The following DOCK3 variants were observed in gnomAD, a reference collection of about 807,000 sequenced individuals.
The protein encoded by DOCK3 is dedicator of cytokinesis 3.
In DOCK3, 60 loss-of-function variants were observed where a neutral mutation model predicts 265.6. The ratio of observed to expected loss-of-function variants is 0.23; its 90% CI spans 0.18 to 0.28. The LOEUF is 0.28. Among genes scored for constraint, DOCK3 ranks in the 10% least tolerant of loss-of-function variants. DOCK3 has a pLI of 1.00. For synonymous variants in DOCK3, 881 were observed against 938.0 expected, an observed-to-expected ratio of 0.94 and a Z score of 1.11; for missense variants, 1,981 against 2,594.3, an observed-to-expected ratio of 0.76 and a Z score of 5.14.
chr3:51,360,011 T>C (rs1356564342), intron 46 of DOCK3, among the ~76,000 whole-genome samples: 1 of 152,232 alleles, frequency 6.6e-6, no homozygotes, highest in East Asian at 1.9e-4. Flanking sequence ...TTCAGTTACA[T>C]ACATCAGGAT....
In DOCK3 at chr3:51,383,946, T is replaced by C. The variant is rs541799275; in HGVS notation, c.*2387T>C. On this transcript the variant is annotated 3_prime_UTR_variant, in exon 53 of 53. Transcript: ENST00000266037. ...CAAGGAAACTTCTAACCATTTCTTT[T>C]GTGTATTCATGTTTAAAGAAAAAAA... is the stretch of plus-strand genomic sequence containing the variant. 1.3e-5 allele frequency: 2 copies of C among 152,778 alleles called. No homozygotes were observed. The highest frequency in any genetic ancestry group is 4.1e-4 in the South Asian group (2 of 4,828). The allele number at this position is 152,778 out of a possible 1,614,324, so 9.5% of individuals were successfully genotyped here. A position where few individuals can be genotyped will look rare whatever the true frequency, so the allele number is the denominator to read the frequency against.
At chr3:51,332,889 C>T (rs1271998546) in intron 33 of DOCK3, 112 bp from the exon 34 acceptor site, 1 of 1,423,358 alleles carries the variant, frequency 7.0e-7, no homozygotes, top group Non-Finnish European at 9.8e-7. Flanking sequence ...CCTCCCTCCC[C>T]CCACCTCAGT....
At chr3:51,305,731 TGC>T (rs768014652) in intron 27 of DOCK3, among the ~76,000 whole-genome samples, 10,504 of 141,832 alleles carry the variant, frequency 0.074, 977 homozygotes, top group East Asian at 0.32. Context: ...TGTGTGTGTG[TGC>T]GCGTGTGTGT....
At chr3:50,682,912 C>T (rs1398746186) in intron 1 of DOCK3, among the ~76,000 whole-genome samples, 1 of 152,244 alleles carries the variant, frequency 6.6e-6, no homozygotes, top group Admixed American at 6.5e-5. Flanking sequence ...GCGCTCCAGC[C>T]TGGGTGACAG....
At chr3:50,685,358 T>C (rs1576084065) in intron 1 of DOCK3, among the ~76,000 whole-genome samples, 2 of 152,230 alleles carry the variant, frequency 1.3e-5, no homozygotes, top group Non-Finnish European at 2.9e-5. Context: ...TGATACATGC[T>C]TGAGAGCAAT....
At chr3:51,049,057 TGGCTCACGCCTGTAATCCC>T (rs1036068270) in intron 5 of DOCK3, among the ~76,000 whole-genome samples, 39 of 152,328 alleles carry the variant, frequency 2.6e-4, no homozygotes, top group African/African-American at 8.7e-4. Context: ...CTAGGCGCTG[TGGCTCACGCCTGTAATCCC>T]AGCACTTTGG....
intron 5 of DOCK3, among the ~76,000 whole-genome samples, chr3:51,023,413 C>G (rs575199384): frequency 1.3e-5 from 2 of 151,814 alleles, no homozygotes; most frequent in African/African-American, 4.8e-5. Context: ...TTTTTGTTGT[C>G]GTTGTTGTTC....
At chr3:51,337,230 A>G (rs1275882345) in intron 35 of DOCK3, among the ~76,000 whole-genome samples, 2 of 152,192 alleles carry the variant, frequency 1.3e-5, no homozygotes, top group Non-Finnish European at 2.9e-5. Context: ...GCAGAATATC[A>G]TGAGAGGAGT....
rs1049236333 is a variant in DOCK3, at chr3:51,092,075, G to A, written c.746+1691G>A. Among the ~76,000 whole-genome samples, 6 of 152,306 alleles carry A rather than the reference G, an allele frequency of 3.9e-5. 1 individual carries two copies. The highest frequency in any genetic ancestry group is 3.3e-4 in the Admixed American group (5 of 15,300). On this transcript the variant is annotated intron_variant, in intron 9 of 52. Coordinates refer to ENST00000266037, the MANE Select transcript of DOCK3 (RefSeq NM_004947.5). ...ACCTGGGTTTCAAGCACAAAACTGG[G>A]TAGCTGTTTGAGCAGGCACCAAACT...
chr3:50,743,580 A>T (rs1696261588), intron 1 of DOCK3, among the ~76,000 whole-genome samples: 1 of 151,806 alleles, frequency 6.6e-6, no homozygotes, highest in Non-Finnish European at 1.5e-5. Flanking sequence ...ACCAACAAAG[A>T]TCAAAAGAGA....
In DOCK3 at chr3:51,270,922, C is replaced by T. The variant is rs778397287; in HGVS notation, c.2463C>T (p.Ser821=). The part of the protein sequence containing the change: ...FVRGTLGSMP[S]TVHIGQSMDV... ...GAGGGACACTGGGGAGCATGCCCAG[C>T]ACTGTGCACATTGGGCAGTCAATGG... Residue 821 remains serine (S), a synonymous_variant, in exon 24 of 53, where the codon AGC becomes AGT. Transcript: ENST00000266037. 1.4e-5 allele frequency: 23 copies of T among 1,613,884 alleles called. No individual in the cohort carries two copies. The highest frequency in any genetic ancestry group is 3.3e-5 in the Admixed American group (2 of 59,996).
chr3:51,130,463 T>A (rs1297459332), intron 9 of DOCK3, among the ~76,000 whole-genome samples: 3 of 152,312 alleles, frequency 2.0e-5, no homozygotes, highest in East Asian at 3.9e-4. Context: ...TACCAGGAGA[T>A]GTGTTAATTT....
At chr3:51,169,902 G>A (rs2086592188) in intron 12 of DOCK3, among the ~76,000 whole-genome samples, 1 of 152,116 alleles carries the variant, frequency 6.6e-6, no homozygotes, top group African/African-American at 2.4e-5. Context: ...GTTATTGGAT[G>A]TGGTTTGCTA....
At position 51,214,139 on chromosome 3, in the gene DOCK3, C is replaced by A. The variant is rs758225849; in HGVS notation, c.1144C>A (p.Gln382Lys). ...SASHGLIISL[Q>K]LLRGDMEQIR... is the part of the protein sequence containing the mutation. Reference sequence around the variant, plus strand: ...TTTTGCAGGTCTTATCATTTCTCTGCAGCTTCTTCGTGGAGACATGGAACA... The same window carrying A: ...TTTTGCAGGTCTTATCATTTCTCTGAAGCTTCTTCGTGGAGACATGGAACA... The change falls in exon 14 of 53, where the codon CAG (glutamine) becomes AAG (lysine). Residue 382 changes from glutamine (Q) to lysine (K), a missense_variant. By Grantham distance (53) the Gln-to-Lys change is moderately conservative. Coordinates refer to ENST00000266037, the MANE Select transcript of DOCK3 (RefSeq NM_004947.5). 5 of 1,613,814 alleles carry A rather than the reference C, an allele frequency of 3.1e-6. No individual in the cohort carries two copies. The highest frequency in any genetic ancestry group is 4.2e-6 in the Non-Finnish European group (5 of 1,179,820).
At chr3:51,264,447 C>T (rs898927851) in intron 23 of DOCK3, among the ~76,000 whole-genome samples, 8 of 152,232 alleles carry the variant, frequency 5.3e-5, no homozygotes, top group African/African-American at 1.7e-4. Flanking sequence ...CAGGAGAAAG[C>T]GGGAAATATC....
Position 50,675,336 on chromosome 3 carries a change from C to T in DOCK3, c.37+36C>T. ...CTCAGGCCTGGCCGTGGCGGGGGTT[C>T]TGGGGGACGCGCCCAGCTCCCGGCC... is the stretch of plus-strand genomic sequence containing the variant. On this transcript the variant is annotated intron_variant, in intron 1 of 52. Coordinates refer to ENST00000266037, the MANE Select transcript of DOCK3 (RefSeq NM_004947.5). This position sits in a 1 kb window ranked among gnomAD's most constrained non-coding sequence, Gnocchi z 6.1. 1 of 1,216,064 alleles carries T rather than the reference C, an allele frequency of 8.2e-7. No homozygotes were observed. The highest frequency in any genetic ancestry group is 3.5e-5 in the South Asian group (1 of 28,820). 75.3% of individuals were successfully genotyped at this position (1,216,064 alleles called of 1,614,324 possible).
chr3:51,224,834 T>C (rs562227849), intron 14 of DOCK3, among the ~76,000 whole-genome samples: 134 of 152,296 alleles, frequency 8.8e-4, no homozygotes, highest in African/African-American at 3.1e-3. Context: ...TACACTCTTA[T>C]ACATGAACAG....
intron 12 of DOCK3, among the ~76,000 whole-genome samples, chr3:51,198,919 C>T (rs2088501558): frequency 6.6e-6 from 1 of 152,082 alleles, no homozygotes; most frequent in Admixed American, 6.5e-5. Context: ...ATCCCAGCTA[C>T]TCAGGAGGCT....
intron 4 of DOCK3, among the ~76,000 whole-genome samples, chr3:50,908,326 A>C (rs1161356306): frequency 6.6e-6 from 1 of 151,372 alleles, no homozygotes; most frequent in African/African-American, 2.4e-5. Context: ...TAGGCTGCTC[A>C]TTTGAGATCT....
Sources: allele counts gnomAD v4.1 joint callset (sites outside exome capture counted in the v4.1 genomes callset), GRCh38; gene constraint gnomAD v4.1.1; non-coding constraint Gnocchi (gnomAD v3.1); transcripts MANE v1.5; gene names NCBI Gene and HGNC (gene_info 2026-07-23, HGNC 2026-07-21).